Variants in LRRTM3 observed in about 807,000 individuals in gnomAD.
LRRTM3 encodes leucine rich repeat transmembrane neuronal 3.
LRRTM3 carries 24 observed loss-of-function variants against 44.7 expected under a neutral mutation model. The observed-to-expected ratio is 0.54, with a 90% CI of 0.39 to 0.76. The LOEUF (loss-of-function observed/expected upper bound fraction) is 0.76. Among genes scored for constraint, LRRTM3 ranks in the 30% least tolerant of loss-of-function variants. The probability of loss-of-function intolerance (pLI) is 0.00; values close to 1 mark genes in which losing one functional copy is unlikely to be tolerated. For synonymous variants in LRRTM3, 277 were observed against 278.7 expected, an observed-to-expected ratio of 0.99 and a Z score of 0.06; for missense variants, 587 against 702.2, an observed-to-expected ratio of 0.84 and a Z score of 1.85.
In LRRTM3 at chr10:67,099,907, AG is replaced by A. The variant is rs1182222577; in HGVS notation, c.*2114del. 1 of 151,724 alleles carries A rather than the reference AG, an allele frequency of 6.6e-6. No individual in the cohort carries two copies. Among genetic ancestry groups the A allele is most frequent in the Non-Finnish European group, 1.5e-5 (1 of 67,804 alleles). 9.4% of individuals were successfully genotyped at this position (151,724 alleles called of 1,614,324 possible). A position where few individuals can be genotyped will look rare whatever the true frequency, so the allele number is the denominator to read the frequency against. The stretch of plus-strand genomic sequence containing the variant: ...CTTTACGTCGTTAGCAAATTTATAA[AG>A]GGTTATAAAGCTATGATTCGTGAGT... On this transcript the variant is annotated 3_prime_UTR_variant, in exon 3 of 3. Transcript: ENST00000361320.
chr10:67,071,491 G>C (rs930380294), intron 2 of LRRTM3, among the ~76,000 whole-genome samples: 26 of 133,452 alleles, frequency 1.9e-4, no homozygotes, highest in African/African-American at 7.4e-4. Flanking sequence ...CTTGTACTTA[G>C]AGCTCTTTAA....
At position 67,097,813 on chromosome 10, in the gene LRRTM3, C is replaced by T. The variant is rs748062768; in HGVS notation, c.*17C>T. Reference sequence around the variant, plus strand: ...CTAGCTTAACTGAGATCATTGGTAGCCAGGGGTTGCTACCAAACTTTGTAA... The same window carrying T: ...CTAGCTTAACTGAGATCATTGGTAGTCAGGGGTTGCTACCAAACTTTGTAA... On this transcript the variant is annotated 3_prime_UTR_variant, in exon 3 of 3. Transcript: ENST00000361320. 2.5e-6 allele frequency: 4 copies of T among 1,610,100 alleles called. No homozygotes were observed. The highest frequency in any genetic ancestry group is 3.4e-6 in the Non-Finnish European group (4 of 1,177,100).
At chr10:67,014,197 T>C (rs1450792845) in intron 2 of LRRTM3, among the ~76,000 whole-genome samples, 1 of 152,238 alleles carries the variant, frequency 6.6e-6, no homozygotes, top group Admixed American at 6.5e-5. Context: ...CATGCTTTAG[T>C]GCTTCACAGG....
chr10:67,066,863 A>C (rs1490214517), intron 2 of LRRTM3, among the ~76,000 whole-genome samples: 1 of 152,202 alleles, frequency 6.6e-6, no homozygotes, highest in Non-Finnish European at 1.5e-5. Context: ...ATCTGCCTTT[A>C]ATTTAATTTT....
intron 2 of LRRTM3, among the ~76,000 whole-genome samples, chr10:66,995,905 G>A (rs1851303518): frequency 6.6e-6 from 1 of 152,142 alleles, no homozygotes; most frequent in African/African-American, 2.4e-5. Flanking sequence ...TATTTATGGA[G>A]TACTGATATT....
At chr10:66,960,163 T>G (rs1043770491) in intron 2 of LRRTM3, among the ~76,000 whole-genome samples, 33 of 152,296 alleles carry the variant, frequency 2.2e-4, no homozygotes, top group African/African-American at 7.9e-4. Flanking sequence ...GCAGATAACT[T>G]TATTTTTCAT....
intron 2 of LRRTM3, among the ~76,000 whole-genome samples, chr10:66,991,353 C>A (rs1851024859): frequency 6.6e-6 from 1 of 151,990 alleles, no homozygotes; most frequent in Admixed American, 6.6e-5. Flanking sequence ...TTAAGATAAT[C>A]CTTTTTAAAA....
chr10:67,005,488 T>G (rs1851914375), intron 2 of LRRTM3, among the ~76,000 whole-genome samples: 1 of 152,056 alleles, frequency 6.6e-6, no homozygotes, highest in African/African-American at 2.4e-5. Flanking sequence ...GCCATAGGTT[T>G]TATATGGGAG....
At chr10:67,081,368 T>G (rs1174974932) in intron 2 of LRRTM3, among the ~76,000 whole-genome samples, 1 of 152,192 alleles carries the variant, frequency 6.6e-6, no homozygotes, top group Non-Finnish European at 1.5e-5. Context: ...TACAATCATC[T>G]CTTTCACTTA....
At chr10:67,012,699 T>G (rs550511183) in intron 2 of LRRTM3, among the ~76,000 whole-genome samples, 1 of 152,276 alleles carries the variant, frequency 6.6e-6, no homozygotes, top group South Asian at 2.1e-4. Flanking sequence ...TGGACAAATG[T>G]AATCACGTCT....
At chr10:66,973,940 C>T (rs1270436489) in intron 2 of LRRTM3, among the ~76,000 whole-genome samples, 3 of 152,130 alleles carry the variant, frequency 2.0e-5, no homozygotes, top group Non-Finnish European at 4.4e-5. Flanking sequence ...TTTTAATCAA[C>T]TTTATTGAAA....
intron 2 of LRRTM3, among the ~76,000 whole-genome samples, chr10:67,054,282 A>T (rs759405935): frequency 1.3e-5 from 2 of 152,178 alleles, no homozygotes; most frequent in South Asian, 4.1e-4. Context: ...ACCCCAGAAC[A>T]TCAGGAAGAA....
At chr10:67,051,825 GCTCACTGCAACCTCTGC>G (rs1855118679) in intron 2 of LRRTM3, among the ~76,000 whole-genome samples, 1 of 151,632 alleles carries the variant, frequency 6.6e-6, no homozygotes, top group African/African-American at 2.4e-5. Context: ...CACCATCTCG[GCTCACTGCAACCTCTGC>G]CTCAGGGGTT....
intron 2 of LRRTM3, among the ~76,000 whole-genome samples, chr10:66,946,529 C>T (rs1848284264): frequency 1.3e-5 from 2 of 152,128 alleles, no homozygotes; most frequent in Admixed American, 1.3e-4. Context: ...AAAGCCCCCT[C>T]TAGTTCTTCC....
At chr10:67,005,036 A>G (rs1851890790) in intron 2 of LRRTM3, among the ~76,000 whole-genome samples, 1 of 152,208 alleles carries the variant, frequency 6.6e-6, no homozygotes, top group South Asian at 2.1e-4. Context: ...AATCACAAAA[A>G]CAGGAAATAG....
At chr10:67,026,498 T>C (rs1265061082) in intron 2 of LRRTM3, among the ~76,000 whole-genome samples, 1 of 151,992 alleles carries the variant, frequency 6.6e-6, no homozygotes. Flanking sequence ...ATATAAGTAA[T>C]ATGGAAAAGT....
At chr10:66,998,866 A>G (rs1851519971) in intron 2 of LRRTM3, among the ~76,000 whole-genome samples, 1 of 152,162 alleles carries the variant, frequency 6.6e-6, no homozygotes, top group African/African-American at 2.4e-5. Flanking sequence ...TCCAATGGCT[A>G]TATGTAAAAC....
At position 66,948,662 on chromosome 10, in the gene LRRTM3, G is replaced by A. The variant is rs571534979; in HGVS notation, c.1536+20210G>A. Among the ~76,000 whole-genome samples, 5 of 152,246 alleles carry A rather than the reference G, an allele frequency of 3.3e-5. No individual in the cohort carries two copies. In the East Asian group the frequency reaches 7.7e-4, roughly 23 times the overall value. ...AGGAAGAATACCACAAGGACATGGGGTGTTCTATCCTGGACTGGTAAACCA... is the reference window on the plus strand; with the variant it reads ...AGGAAGAATACCACAAGGACATGGGATGTTCTATCCTGGACTGGTAAACCA... On this transcript the variant is annotated intron_variant, in intron 2 of 2. Coordinates refer to ENST00000361320, the MANE Select transcript of LRRTM3 (RefSeq NM_178011.5).
chr10:67,026,445 A>C (rs1294171214), intron 2 of LRRTM3, among the ~76,000 whole-genome samples: 1 of 152,058 alleles, frequency 6.6e-6, no homozygotes, highest in Non-Finnish European at 1.5e-5. Flanking sequence ...ATTTAAAATA[A>C]AAACAAAATA....
Sources: allele counts gnomAD v4.1 joint callset (sites outside exome capture counted in the v4.1 genomes callset), GRCh38; gene constraint gnomAD v4.1.1; transcripts MANE v1.5; gene names NCBI Gene and HGNC (gene_info 2026-07-23, HGNC 2026-07-21).